SGSM3: variants seen among roughly 807,000 people sequenced by gnomAD.
The protein encoded by SGSM3 is small G protein signaling modulator 3.
SGSM3 carries 96 observed loss-of-function variants against 100.5 expected under a neutral mutation model. That is an observed-to-expected ratio of 0.96 (90% CI 0.81 to 1.13). The LOEUF is 1.13. Among genes scored for constraint, SGSM3 ranks in the 50% most tolerant of loss-of-function variants. The probability of loss-of-function intolerance (pLI) is 0.00; values close to 1 mark genes in which losing one functional copy is unlikely to be tolerated. For synonymous variants in SGSM3, 483 were observed against 422.8 expected, an observed-to-expected ratio of 1.14 and a Z score of -1.75; for missense variants, 1,001 against 1,015.8, an observed-to-expected ratio of 0.99 and a Z score of 0.20.
At chr22:40,374,733 T>G (rs2046265521) in intron 1 of SGSM3, among the ~76,000 whole-genome samples, 2 of 152,260 alleles carry the variant, frequency 1.3e-5, no homozygotes, top group South Asian at 4.1e-4. Flanking sequence ...AACATAAAAT[T>G]GCCAGTCATG....
At position 40,404,359 on chromosome 22, in the gene SGSM3, G is replaced by A; in HGVS notation, c.270G>A (p.Gly90=). 1 of 1,606,614 alleles carries A rather than the reference G, an allele frequency of 6.2e-7. No individual in the cohort carries two copies. The highest frequency in any genetic ancestry group is 8.5e-7 in the Non-Finnish European group (1 of 1,175,880). ...HLEFTHNHDV[G]DLTWDKIAVS... ...AGTTCACCCATAACCACGATGTGGG[G>A]GATCTCACCTGGGACAAGATTGCCG... Residue 90 remains glycine, a synonymous_variant, in exon 5 of 22, where the codon GGG becomes GGA. Transcript: ENST00000248929.
intron 10 of SGSM3, 146 bp from the exon 11 acceptor site, chr22:40,406,871 G>A (rs1159241466): frequency 4.2e-6 from 4 of 957,508 alleles, no homozygotes; most frequent in Non-Finnish European, 6.4e-6. Context: ...GGTTTGGGAG[G>A]AAGGCAGACC....
At chr22:40,378,406 G>A (rs545934734) in intron 1 of SGSM3, 1 of 152,278 alleles carries the variant, frequency 6.6e-6, no homozygotes, top group South Asian at 2.1e-4. Context: ...TCCAGCCTGG[G>A]TGACACAGCA....
chr22:40,392,776 A>G (rs1219872309), intron 1 of SGSM3, among the ~76,000 whole-genome samples: 1 of 152,204 alleles, frequency 6.6e-6, no homozygotes, highest in Admixed American at 6.5e-5. Flanking sequence ...ATCAGTATCT[A>G]ATTCCAGAAC....
chr22:40,385,871 G>T, intron 1 of SGSM3, among the ~76,000 whole-genome samples: 1 of 151,866 alleles, frequency 6.6e-6, no homozygotes, highest in East Asian at 1.9e-4. Context: ...TTTTCTTGAA[G>T]ACCGGGTCTC....
intron 1 of SGSM3, among the ~76,000 whole-genome samples, chr22:40,383,456 G>A (rs2047916472): frequency 1.4e-5 from 2 of 143,004 alleles, no homozygotes; most frequent in African/African-American, 2.6e-5. Flanking sequence ...GACAGAGCGA[G>A]ACTCTGTCTC....
At chr22:40,401,784 T>A in intron 3 of SGSM3, 109 bp downstream of exon 3, 1 of 859,336 alleles carries the variant, frequency 1.2e-6, no homozygotes, top group Non-Finnish European at 2.0e-6. Flanking sequence ...CACAGGGTTA[T>A]GAGTTCCCCA....
chr22:40,386,562 CTTTTTT>C (rs60319316), intron 1 of SGSM3, among the ~76,000 whole-genome samples: 10 of 68,366 alleles, frequency 1.5e-4, no homozygotes, highest in African/African-American at 2.8e-4. Context: ...AATTTTCTTA[CTTTTTT>C]TTTTTTTTTT....
At chr22:40,402,722 A>G (rs566465297) in intron 4 of SGSM3, among the ~76,000 whole-genome samples, 4 of 152,350 alleles carry the variant, frequency 2.6e-5, no homozygotes, top group South Asian at 4.1e-4. Context: ...CTAGGCAACA[A>G]GAGCAAACCT....
Position 40,409,290 on chromosome 22 carries a change from AGCCT to A in SGSM3, c.2033_2036del (p.Leu678ProfsTer51). ...CCTGTGGCTGGAGGTGCTCTGCTCC[AGCCT>A]GCCCACCGTGGAGAAGTGGTACCAG... On this transcript the variant is annotated frameshift_variant, in exon 20 of 22. Coordinates refer to ENST00000248929, the MANE Select transcript of SGSM3 (RefSeq NM_015705.6). LOFTEE classifies it high-confidence loss of function. The A allele has an allele frequency of 6.2e-7, 1 of 1,612,486 alleles. No individual in the cohort carries two copies. Among genetic ancestry groups the A allele is most frequent in the Non-Finnish European group, 8.5e-7 (1 of 1,179,872 alleles).
At chr22:40,379,715 G>A (rs1194137092) in intron 1 of SGSM3, among the ~76,000 whole-genome samples, 2 of 151,972 alleles carry the variant, frequency 1.3e-5, no homozygotes, top group Non-Finnish European at 2.9e-5. Context: ...TGTGGTCTCT[G>A]TTCTTATTAT....
At chr22:40,374,614 G>A (rs1050946618) in intron 1 of SGSM3, among the ~76,000 whole-genome samples, 4 of 152,214 alleles carry the variant, frequency 2.6e-5, no homozygotes, top group South Asian at 2.1e-4. Flanking sequence ...CCAGTACGGC[G>A]GCTCACGCCT....
Position 40,410,200 on chromosome 22 carries a change from T to G in SGSM3, c.*441T>G. On this transcript the variant is annotated 3_prime_UTR_variant, in exon 22 of 22. Transcript: ENST00000248929. ...CTTGAGTGGTCTAGAAGGCACTGCG[T>G]GGCCCCTCAGATGCTGGGACACAAC... The G allele has an allele frequency of 9.4e-7, 1 of 1,062,952 alleles. No homozygotes were observed. The highest frequency in any genetic ancestry group is 4.5e-5 in the South Asian group (1 of 22,360). 65.8% of individuals were successfully genotyped at this position (1,062,952 alleles called of 1,614,324 possible).
In SGSM3 at chr22:40,370,726, G is replaced by A. The variant is rs2045229021; in HGVS notation, c.-112+38G>A. 2.0e-5 allele frequency: 3 copies of A among 152,780 alleles called. No individual in the cohort carries two copies. In the South Asian group the frequency reaches 6.2e-4, roughly 32 times the overall value. 9.5% of individuals were successfully genotyped at this position (152,780 alleles called of 1,614,324 possible). A position where few individuals can be genotyped will look rare whatever the true frequency, so the allele number is the denominator to read the frequency against. On this transcript the variant is annotated intron_variant, in intron 1 of 21. Transcript: ENST00000248929. The stretch of plus-strand genomic sequence containing the variant: ...CGGGAGTCAGCGGAGACCCACCGGC[G>A]CCTACAAGTTCCCCTCAGGCGGGGG...
chr22:40,407,992 CCTCAGCCTGCCTG>C lies in SGSM3; in HGVS notation c.1580-77_1580-65del, dbSNP rs2051871935. 5 of 1,514,832 alleles carry C rather than the reference CCTCAGCCTGCCTG, an allele frequency of 3.3e-6. No individual in the cohort carries two copies. The allele number at this position is 1,514,832 out of a possible 1,614,324, so 93.8% of individuals were successfully genotyped here. A position where few individuals can be genotyped will look rare whatever the true frequency, so the allele number is the denominator to read the frequency against. ...AAGCAGCTGAGCCGGCTTCCCACTG[CCTCAGCCTGCCTG>C]CAGGCTGTGTCTGCTCTGTCCTCGG... On this transcript the variant is annotated intron_variant, in intron 14 of 21. Coordinates refer to ENST00000248929, the MANE Select transcript of SGSM3 (RefSeq NM_015705.6). This position sits in a 1 kb window ranked among gnomAD's most constrained non-coding sequence, Gnocchi z 4.7.
chr22:40,383,185 C>T (rs1032548457), intron 1 of SGSM3, among the ~76,000 whole-genome samples: 12 of 152,052 alleles, frequency 7.9e-5, no homozygotes, highest in African/African-American at 2.4e-4. Flanking sequence ...TCAGTAGGAA[C>T]GGCCGGGTGC....
intron 1 of SGSM3, chr22:40,376,663 C>A (rs918606952): frequency 6.6e-6 from 1 of 152,066 alleles, no homozygotes; most frequent in African/African-American, 2.4e-5. Context: ...GTATTATGCC[C>A]ATTTACAGGT....
In SGSM3 at chr22:40,374,035, G is replaced by A. The variant is rs1359564066; in HGVS notation, c.-112+3347G>A. ...GTGATCTCGGCTCACTGCAAGCTCTGCCTCCCGGGTTTATTTACGCCATTC... is the reference window on the plus strand; with the variant it reads ...GTGATCTCGGCTCACTGCAAGCTCTACCTCCCGGGTTTATTTACGCCATTC... On this transcript the variant is annotated intron_variant, in intron 1 of 21. Transcript: ENST00000248929. Among the ~76,000 whole-genome samples, 11 of 152,072 alleles carry A rather than the reference G, an allele frequency of 7.2e-5. No individual in the cohort carries two copies. The East Asian group carries it at 1.4e-3, about 19-fold the overall frequency.
intron 10 of SGSM3, 99 bp from the exon 11 acceptor site, chr22:40,406,918 C>G (rs1409977110): frequency 6.1e-5 from 73 of 1,204,086 alleles, no homozygotes; most frequent in Non-Finnish European, 7.9e-5. Context: ...TTGGAGCCAG[C>G]GTCAGAGGCT....
Sources: gnomAD v4.1 joint callset for allele counts (sites outside exome capture counted in the v4.1 genomes callset) on GRCh38, gnomAD v4.1.1 for gene constraint, Gnocchi (gnomAD v3.1) non-coding constraint, MANE v1.5 for transcripts, NCBI Gene and HGNC (gene_info 2026-07-23, HGNC 2026-07-21) for gene names.